ZFYVE26: variants seen among roughly 807,000 people sequenced by gnomAD.
ZFYVE26 encodes zinc finger FYVE-type containing 26.
Under a neutral mutation model 276.5 loss-of-function variants are expected in ZFYVE26, and 181 were observed. The observed-to-expected ratio is 0.65, with a 90% CI of 0.58 to 0.74. The LOEUF (loss-of-function observed/expected upper bound fraction) is 0.74, where lower values mean the gene tolerates loss of function less well. Ranked by LOEUF, ZFYVE26 falls within the 30% of genes least tolerant of loss-of-function variation. The pLI is 0.00. For synonymous variants in ZFYVE26, 1,129 were observed against 1,203.1 expected (o/e 0.94, Z 1.27); for missense variants, 2,821 against 3,097.9 (o/e 0.91, Z 2.12).
chr14:67,793,265 A>AAAC (rs1359150414), intron 14 of ZFYVE26, among the ~76,000 whole-genome samples: 2 of 149,902 alleles, frequency 1.3e-5, no homozygotes, highest in Non-Finnish European at 2.9e-5. Context: ...TCAAACAAAC[A>AAAC]AACAAACAAA....
intron 14 of ZFYVE26, among the ~76,000 whole-genome samples, chr14:67,791,557 TTAAAAG>T (rs2039813643): frequency 6.6e-6 from 1 of 151,936 alleles, no homozygotes; most frequent in Admixed American, 6.6e-5. Flanking sequence ...TACTATAGGG[TTAAAAG>T]TAATTTTATT....
intron 10 of ZFYVE26, among the ~76,000 whole-genome samples, chr14:67,801,330 C>G (rs918196511): frequency 6.6e-6 from 1 of 152,098 alleles, no homozygotes; most frequent in African/African-American, 2.4e-5. Flanking sequence ...TACATTGTTC[C>G]TCATCCCTGA....
chr14:67,780,480 G>C, intron 22 of ZFYVE26, 135 bp from the exon 23 acceptor site: 1 of 793,746 alleles, frequency 1.3e-6, no homozygotes, highest in Non-Finnish European at 2.1e-6. Flanking sequence ...TGCCAGAAAA[G>C]AGAGCAAATT....
chr14:67,766,313 G>A lies in ZFYVE26; in HGVS notation c.5925C>T (p.Leu1975=), dbSNP rs775830817. 16 of 1,613,646 alleles carry A rather than the reference G, an allele frequency of 9.9e-6. No homozygotes were observed. The highest frequency in any genetic ancestry group is 1.2e-5 in the Non-Finnish European group (14 of 1,180,044). Residue 1975 remains leucine, a synonymous_variant, in exon 32 of 42, where the codon CTC becomes CTT. Coordinates refer to ENST00000347230, the MANE Select transcript of ZFYVE26 (RefSeq NM_015346.4). ...ACAGCAGCTGCTTCATGATGTCCGT[G>A]AGCAGCCCGGCATCCACCTCTGGGT... ...LTNPEVDAGL[L]TDIMKQLLFS...
intron 10 of ZFYVE26, chr14:67,799,505 C>A: frequency 6.2e-7 from 1 of 1,600,298 alleles, no homozygotes; most frequent in South Asian, 1.1e-5. Flanking sequence ...ACAAAAGGAT[C>A]GGCAAAAGGA....
chr14:67,805,287 G>A lies in ZFYVE26; in HGVS notation c.1201C>T (p.Leu401Phe). ...AACCCATCACAGGCATCCCTGAGGAGCTCATCACAGCCTGGGCCCTATGTT... is the reference window on the plus strand; with the variant it reads ...AACCCATCACAGGCATCCCTGAGGAACTCATCACAGCCTGGGCCCTATGTT... ...HRTQGPGCDE[L>F]LRDACDGLWA... The change falls in exon 8 of 42, where the codon CTC (leucine) becomes TTC (phenylalanine). Residue 401 changes from leucine to phenylalanine, a missense_variant. Coordinates refer to ENST00000347230, the MANE Select transcript of ZFYVE26 (RefSeq NM_015346.4). The A allele has an allele frequency of 6.2e-7, 1 of 1,614,142 alleles. No individual in the cohort carries two copies. The highest frequency in any genetic ancestry group is 8.5e-7 in the Non-Finnish European group (1 of 1,180,010).
chr14:67,802,504 TA>T (rs2040099028), intron 9 of ZFYVE26, among the ~76,000 whole-genome samples: 1 of 152,192 alleles, frequency 6.6e-6, no homozygotes, highest in Non-Finnish European at 1.5e-5. Context: ...ACCTCCCTTC[TA>T]CATATCTCAT....
Position 67,767,720 on chromosome 14 carries a change from T to C in ZFYVE26, c.5774A>G (p.Glu1925Gly). ...TGCTATTACCTGCTCATAGTAAAAT[T>C]CACTCCGCACCAGCTCATTTTCCTC... ...KEEENELVRS[E>G]FYYEQAPSAS... Residue 1925 changes from glutamate to glycine, a missense_variant, in exon 31 of 42, where the codon GAA becomes GGA. By Grantham distance (98) the Glu-to-Gly change is moderately conservative. Transcript: ENST00000347230. The C allele has an allele frequency of 6.2e-7, 1 of 1,614,136 alleles. No individual in the cohort carries two copies. Among genetic ancestry groups the C allele is most frequent in the Non-Finnish European group, 8.5e-7 (1 of 1,180,034 alleles).
chr14:67,754,679 A>C lies in ZFYVE26; in HGVS notation c.6986+372T>G, dbSNP rs568774039. Among the ~76,000 whole-genome samples the C allele has an allele frequency of 5.3e-5, 8 of 152,318 alleles. No homozygotes were observed. In the South Asian group the frequency reaches 1.7e-3, roughly 32 times the overall value. On this transcript the variant is annotated intron_variant, in intron 37 of 41. Coordinates refer to ENST00000347230, the MANE Select transcript of ZFYVE26 (RefSeq NM_015346.4). ...ACTGGCAAGTATAAAAGCTGAGAGG[A>C]ATTAAGGACTTGGTGTGTTGAGGAG...
At position 67,789,287 on chromosome 14, in the gene ZFYVE26, C is replaced by T. The variant is rs746696733; in HGVS notation, c.3019+48G>A. ...GACAATTTATCAAGACTCTCAGAAA[C>T]CCATCTCATTTGAGAATGAAGGGAT... On this transcript the variant is annotated intron_variant, in intron 16 of 41. Transcript: ENST00000347230. 9.9e-6 allele frequency: 16 copies of T among 1,611,602 alleles called. No individual in the cohort carries two copies. In the African/African-American group the frequency reaches 2.0e-4, roughly 20 times the overall value.
At chr14:67,756,314 G>A in intron 35 of ZFYVE26, 169 bp from the exon 36 acceptor site, 2 of 748,410 alleles carry the variant, frequency 2.7e-6, no homozygotes, top group Non-Finnish European at 4.6e-6. Flanking sequence ...TCTAGCGACT[G>A]CTTCACTTCT....
rs776046759 is a variant in ZFYVE26, at chr14:67,769,681, G to T, written c.5534C>A (p.Ser1845Tyr). ...CRRCGRLVCS[S>Y]CSTKKMVVEG... ...AACCACCATTTTCTTAGTGGAGCAG[G>T]AGCTGCACACTAGCCGGCCACAGCG... Residue 1845 changes from serine (S) to tyrosine (Y), a missense_variant, in exon 29 of 42, where the codon TCC becomes TAC. By Grantham distance (144) the Ser-to-Tyr change is moderately radical. Transcript: ENST00000347230. 1 of 1,613,976 alleles carries T rather than the reference G, an allele frequency of 6.2e-7. No individual in the cohort carries two copies. The highest frequency in any genetic ancestry group is 1.3e-5 in the African/African-American group (1 of 74,910).
chr14:67,750,979 G>T (rs1275393167), intron 41 of ZFYVE26, 73 bp downstream of exon 41: 1 of 1,570,182 alleles, frequency 6.4e-7, no homozygotes, highest in East Asian at 2.2e-5. Context: ...GGGGAGCAAG[G>T]GATAAAGGTG....
rs935840791 is a variant in ZFYVE26 at position 67,770,980 on chromosome 14, C to T, written c.5484+1067G>A. ...ATATCTTTTTTTTTTTTTAAATCAACTTTTATTTTAGGTTCAGGGGCACAT... is the reference window on the plus strand; with the variant it reads ...ATATCTTTTTTTTTTTTTAAATCAATTTTTATTTTAGGTTCAGGGGCACAT... On this transcript the variant is annotated intron_variant, in intron 28 of 41. Coordinates refer to ENST00000347230, the MANE Select transcript of ZFYVE26 (RefSeq NM_015346.4). Among the ~76,000 whole-genome samples the T allele has an allele frequency of 2.0e-5, 3 of 150,174 alleles. No individual in the cohort carries two copies. The South Asian group carries it at 6.3e-4, about 32-fold the overall frequency.
intron 4 of ZFYVE26, 27 bp from the exon 5 acceptor site, chr14:67,807,947 G>C (rs2040220756): frequency 1.9e-6 from 3 of 1,613,826 alleles, no homozygotes; most frequent in Non-Finnish European, 2.5e-6. Flanking sequence ...GAAAAGGATG[G>C]GTGGTGGGCA....
Position 67,767,796 on chromosome 14 carries a change from C to T in ZFYVE26, c.5698G>A (p.Val1900Met). Reference protein sequence around the residue: ...KNESPPYSFVVRVPKADEVEW... With the variant: ...KNESPPYSFVMRVPKADEVEW... ...ACCTCATCTGCTTTGGGGACTCTCACCACAAACGAGTATGGAGGGCTTTCA... is the reference window on the plus strand; with the variant it reads ...ACCTCATCTGCTTTGGGGACTCTCATCACAAACGAGTATGGAGGGCTTTCA... The change falls in exon 31 of 42, where the codon GTG (valine) becomes ATG (methionine). Residue 1900 changes from valine to methionine, a missense_variant. Coordinates refer to ENST00000347230, the MANE Select transcript of ZFYVE26 (RefSeq NM_015346.4). 6.2e-7 allele frequency: 1 copy of T among 1,614,164 alleles called. No homozygotes were observed.
intron 13 of ZFYVE26, chr14:67,733,929 A>G: frequency 9.5e-7 from 1 of 1,058,130 alleles, no homozygotes; most frequent in Non-Finnish European, 1.5e-6. Flanking sequence ...ACCCTAAAGG[A>G]TTGTCCTCTT....
At position 67,798,418 on chromosome 14, in the gene ZFYVE26, G is replaced by T. The variant is rs117228915; in HGVS notation, c.1844C>A (p.Ser615Tyr). The T allele has an allele frequency of 6.2e-7, 1 of 1,613,480 alleles. No individual in the cohort carries two copies. The highest frequency in any genetic ancestry group is 8.5e-7 in the Non-Finnish European group (1 of 1,179,538). ...TATGTGCTGAGGGCTCTCTGATGGG[G>T]ACCTCAAACCTGAGGGGCTCTTCCC... is the stretch of plus-strand genomic sequence containing the variant. ...IEGKSPSGLR[S>Y]PSESPQHIAH... is the part of the protein sequence containing the mutation. The change falls in exon 11 of 42, where the codon TCC becomes TAC. Residue 615 changes from serine (S) to tyrosine (Y), a missense_variant. Coordinates refer to ENST00000347230, the MANE Select transcript of ZFYVE26 (RefSeq NM_015346.4).
intron 37 of ZFYVE26, 56 bp from the exon 38 acceptor site, chr14:67,754,268 G>A (rs905253526): frequency 4.7e-5 from 75 of 1,610,406 alleles, no homozygotes; most frequent in Non-Finnish European, 5.9e-5. Flanking sequence ...GGTGACTGAG[G>A]CCAGGAGACT....
Sources: gnomAD v4.1 joint callset for allele counts (sites outside exome capture counted in the v4.1 genomes callset) on GRCh38, gnomAD v4.1.1 for gene constraint, MANE v1.5 for transcripts, NCBI Gene and HGNC (gene_info 2026-07-23, HGNC 2026-07-21) for gene names.